PIK3C2G: variants seen among roughly 807,000 people sequenced by gnomAD.
PIK3C2G encodes the protein phosphatidylinositol 3-kinase C2 domain-containing subunit gamma.
A neutral mutation model predicts 181.1 loss-of-function variants in PIK3C2G; 168 were observed. The observed-to-expected ratio is 0.93, with a 90% CI of 0.82 to 1.05. The LOEUF (loss-of-function observed/expected upper bound fraction) is 1.05. PIK3C2G is among the 50% of genes least tolerant of loss of function. The pLI is 0.00. For synonymous variants in PIK3C2G, 573 were observed against 592.2 expected, an observed-to-expected ratio of 0.97 and a Z score of 0.47; for missense variants, 1,869 against 1,732.8, an observed-to-expected ratio of 1.08 and a Z score of -1.40.
intron 18 of PIK3C2G, among the ~76,000 whole-genome samples, chr12:18,428,687 T>G (rs188084948): frequency 6.6e-6 from 1 of 152,254 alleles, no homozygotes; most frequent in East Asian, 1.9e-4. Flanking sequence ...AGAGGTGAAA[T>G]TGACTTAGGC....
At chr12:18,421,520 A>G (rs1272727565) in intron 17 of PIK3C2G, among the ~76,000 whole-genome samples, 1 of 152,008 alleles carries the variant, frequency 6.6e-6, no homozygotes, top group East Asian at 1.9e-4. Context: ...ATGTTGGAGT[A>G]ATTTTAGAAA....
chr12:18,362,838 A>C lies in PIK3C2G; in HGVS notation c.1700A>C (p.Asn567Thr). Residue 567 changes from asparagine to threonine, a missense_variant, in exon 12 of 33, where the codon AAT becomes ACT. Physicochemically the swap from Asn to Thr is moderately conservative, Grantham distance 65. Transcript: ENST00000538779. ...KKLCQVRNYR[N>T]IPDKKLFFFL... ...CTGTGCCAAGTGAGAAACTACAGAA[A>C]TATTCCAGACAAGAAATTATTTTTT... 3.3e-6 allele frequency: 5 copies of C among 1,521,930 alleles called. No homozygotes were observed. The highest frequency in any genetic ancestry group is 4.4e-6 in the Non-Finnish European group (5 of 1,138,796). 94.3% of individuals were successfully genotyped at this position (1,521,930 alleles called of 1,614,324 possible).
intron 22 of PIK3C2G, among the ~76,000 whole-genome samples, chr12:18,499,511 G>C (rs796101428): frequency 2.6e-5 from 4 of 152,258 alleles, no homozygotes; most frequent in African/African-American, 9.6e-5. Flanking sequence ...TGGTCACTTT[G>C]TATGTAATGT....
chr12:18,405,917 AAT>A (rs2135592047), intron 16 of PIK3C2G, among the ~76,000 whole-genome samples: 1 of 152,258 alleles, frequency 6.6e-6, no homozygotes, highest in East Asian at 1.9e-4. Flanking sequence ...GCAATTTCAA[AAT>A]ATATGATACA....
At chr12:18,395,084 C>CTTCTTTCTTTCTTTCTTTCTTTCTTTCT (rs1211076005) in intron 15 of PIK3C2G, among the ~76,000 whole-genome samples, 4,333 of 141,508 alleles carry the variant, frequency 0.031, 85 homozygotes, top group Middle Eastern at 0.042. Context: ...TCTTTCATTC[C>CTTCTTTCTTTCTTTCTTTCTTTCTTTCT]TTCTTTCTTT....
At chr12:18,692,909 T>A in the PIK3C2G span, 1 of 1,598,302 alleles carries the variant, frequency 6.3e-7, no homozygotes, top group African/African-American at 1.3e-5. Flanking sequence ...AGGGACCAGA[T>A]GCTGCCAGCA....
At chr12:18,655,988 T>C in the PIK3C2G span, among the ~76,000 whole-genome samples, 48 of 152,308 alleles carry the variant, frequency 3.2e-4, no homozygotes, top group African/African-American at 1.1e-3. Flanking sequence ...TAAATTTTAA[T>C]TAAAGTGGAC....
chr12:18,596,860 T>C (rs1045511274), intron 30 of PIK3C2G, among the ~76,000 whole-genome samples: 1 of 152,060 alleles, frequency 6.6e-6, no homozygotes, highest in Non-Finnish European at 1.5e-5. Context: ...GGTTTTCAAT[T>C]AAAATGTTAA....
At chr12:18,704,277 T>C in the PIK3C2G span, among the ~76,000 whole-genome samples, 1 of 152,136 alleles carries the variant, frequency 6.6e-6, no homozygotes, top group South Asian at 2.1e-4. Flanking sequence ...ACTGAACAGG[T>C]TGCAAGGAGA....
At chr12:18,247,499 T>A (rs1273868475), upstream of PIK3C2G, 1 of 152,218 alleles carries the variant, frequency 6.6e-6, no homozygotes, top group East Asian at 1.9e-4. Context: ...AGGTGTTTCC[T>A]AGCGAAGTGA....
intron 1 of PIK3C2G, among the ~76,000 whole-genome samples, chr12:18,281,727 T>G (rs141428979): frequency 4.9e-4 from 74 of 152,192 alleles, no homozygotes; most frequent in African/African-American, 1.6e-3. Flanking sequence ...AAAAAGAGAA[T>G]ATTGACTTTG....
intron 18 of PIK3C2G, among the ~76,000 whole-genome samples, chr12:18,465,725 T>C (rs1937794607): frequency 6.6e-6 from 1 of 151,866 alleles, no homozygotes; most frequent in South Asian, 2.1e-4. Flanking sequence ...CTTCTTTGTG[T>C]CTAGATGTGT....
chr12:18,384,570 T>C (rs945430334), intron 14 of PIK3C2G, among the ~76,000 whole-genome samples: 1 of 152,170 alleles, frequency 6.6e-6, no homozygotes, highest in South Asian at 2.1e-4. Flanking sequence ...TAAGGTTCTA[T>C]GGGGCAGAGA....
upstream of PIK3C2G, among the ~76,000 whole-genome samples, chr12:18,257,857 G>T (rs1403486935): frequency 6.6e-6 from 1 of 151,576 alleles, no homozygotes; most frequent in African/African-American, 2.4e-5. Flanking sequence ...GAGAAAGAAA[G>T]AAAGAAGATA....
chr12:18,647,661 T>A (rs1203659299), intron 32 of PIK3C2G, among the ~76,000 whole-genome samples: 4 of 148,684 alleles, frequency 2.7e-5, no homozygotes, highest in African/African-American at 1.0e-4. Flanking sequence ...AATTCTAGGA[T>A]TCTTACAAAA....
intron 31 of PIK3C2G, among the ~76,000 whole-genome samples, chr12:18,633,939 G>A (rs1179060298): frequency 6.6e-6 from 1 of 152,166 alleles, no homozygotes; most frequent in African/African-American, 2.4e-5. Flanking sequence ...GGGCATAATA[G>A]TGTGTGGTGC....
At chr12:18,645,587 C>T (rs779027135) in intron 32 of PIK3C2G, among the ~76,000 whole-genome samples, 14 of 152,082 alleles carry the variant, frequency 9.2e-5, no homozygotes, top group Non-Finnish European at 1.5e-5. Flanking sequence ...TCAATTGATG[C>T]AAAATACTAA....
In PIK3C2G at chr12:18,647,986, C is replaced by A; in HGVS notation, c.4419C>A (p.Leu1473=). The change falls in exon 33 of 33, where the codon CTC becomes CTA. Residue 1473 remains leucine (L), a synonymous_variant. Transcript: ENST00000538779. The stretch of plus-strand genomic sequence containing the variant: ...ACATCCGACTCTGTAGTGTCCCACT[C>A]GATAAAGAAAAATGGTATCCATTAG... The part of the protein sequence containing the change: ...AINIRLCSVP[L]DKEKWYPLGN... 1 of 1,593,828 alleles carries A rather than the reference C, an allele frequency of 6.3e-7. No individual in the cohort carries two copies. Among genetic ancestry groups the A allele is most frequent in the Non-Finnish European group, 8.6e-7 (1 of 1,168,480 alleles).
chr12:18,503,360 A>C lies in PIK3C2G; in HGVS notation c.3096A>C (p.Glu1032Asp), dbSNP rs1941627724. ...CTGGACTGATAGGACCATTGAAAGA[A>C]AATACAATTAAAAAGTGGTTCAGTC... ...RHSGLIGPLKENTIKKWFSQH... is the reference protein window; with the variant it reads ...RHSGLIGPLKDNTIKKWFSQH... The change falls in exon 23 of 33, where the codon GAA becomes GAC. Residue 1032 changes from glutamate to aspartate, a missense_variant. Coordinates refer to ENST00000538779, the MANE Select transcript of PIK3C2G (RefSeq NM_001288772.2). 1 of 1,612,278 alleles carries C rather than the reference A, an allele frequency of 6.2e-7. No homozygotes were observed. The highest frequency in any genetic ancestry group is 8.5e-7 in the Non-Finnish European group (1 of 1,178,822).
Sources: gnomAD v4.1 joint callset for allele counts (sites outside exome capture counted in the v4.1 genomes callset) on GRCh38, gnomAD v4.1.1 for gene constraint, MANE v1.5 for transcripts, NCBI Gene and HGNC (gene_info 2026-07-23, HGNC 2026-07-21) for gene names.